The following NUP210L variants were observed in gnomAD, a reference collection of about 807,000 sequenced individuals.
The protein encoded by NUP210L is nuclear pore membrane glycoprotein 210-like.
In NUP210L, 74 loss-of-function variants were observed where a neutral mutation model predicts 208.5. The observed-to-expected ratio is 0.35, with a 90% CI of 0.29 to 0.43. The LOEUF is 0.43. Ranked by LOEUF, NUP210L falls within the 20% of genes least tolerant of loss-of-function variation. The pLI is 1.00. For synonymous variants in NUP210L, 780 were observed against 816.9 expected (o/e 0.95, Z 0.77); for missense variants, 1,843 against 2,289.4 (o/e 0.81, Z 3.98).
In NUP210L at chr1:154,074,419, TCTCC is replaced by T. The variant is rs542217186; in HGVS notation, c.2362-3958_2362-3955del. Among the ~76,000 whole-genome samples the T allele has an allele frequency of 4.6e-5, 7 of 152,126 alleles. No individual in the cohort carries two copies. The South Asian group carries it at 1.5e-3, about 32-fold the overall frequency. ...TTCCTCAATTTATTTTTCTTCTCTT[TCTCC>T]CTCCTTCTGTCTCTTTCTTCCTTCA... On this transcript the variant is annotated intron_variant, in intron 16 of 39. Coordinates refer to ENST00000368559, the Ensembl canonical transcript of NUP210L.
At chr1:154,000,786 G>C in intron 37 of NUP210L, 70 bp downstream of exon 37, 1 of 1,338,882 alleles carries the variant, frequency 7.5e-7, no homozygotes, top group South Asian at 1.2e-5. Flanking sequence ...CTGCAGATGG[G>C]GGGTACTAAT....
Position 154,023,255 on chromosome 1 carries a change from G to A in NUP210L, c.4165C>T (p.Leu1389=), listed in dbSNP as rs201060001. The A allele has an allele frequency of 2.0e-3, 3,205 of 1,612,730 alleles. 7 individuals are homozygous for A. Among genetic ancestry groups the A allele is most frequent in the Non-Finnish European group, 2.5e-3 (2,898 of 1,179,420 alleles). ...AGGGTCCTTCCTTGGGCTGTGTATAGCTTGGGTTGGCTGCTCACTCGCAGG... is the reference window on the plus strand; with the variant it reads ...AGGGTCCTTCCTTGGGCTGTGTATAACTTGGGTTGGCTGCTCACTCGCAGG... Residue 1389 remains leucine, a synonymous_variant, in exon 31 of 40, where the codon CTA becomes TTA. Coordinates refer to ENST00000368559, the Ensembl canonical transcript of NUP210L.
At chr1:154,013,627 C>A (rs559804789) in intron 33 of NUP210L, among the ~76,000 whole-genome samples, 100 of 152,036 alleles carry the variant, frequency 6.6e-4, no homozygotes, top group African/African-American at 1.8e-3. Context: ...ACAAAAAAAA[C>A]AACTGCAACT....
intron 29 of NUP210L, among the ~76,000 whole-genome samples, chr1:154,027,167 G>C (rs1651943807): frequency 6.6e-6 from 1 of 151,342 alleles, no homozygotes; most frequent in Non-Finnish European, 1.5e-5. Context: ...ATACATTCAG[G>C]ATAGCTAATA....
At chr1:154,030,681 C>T (rs1190304704) in intron 27 of NUP210L, among the ~76,000 whole-genome samples, 2 of 152,050 alleles carry the variant, frequency 1.3e-5, no homozygotes, top group East Asian at 3.8e-4. Flanking sequence ...GTAATAATCA[C>T]ATCAGGGTAA....
rs1346222542 is a variant in NUP210L at position 154,154,676 on chromosome 1, G to A, written c.203+166C>T. 2.6e-5 allele frequency among the ~76,000 whole-genome samples: 4 copies of A among 152,156 alleles called. 1 individual carries two copies. Among genetic ancestry groups the A allele is most frequent in the African/African-American group, 9.7e-5 (4 of 41,444 alleles). ...TGAGTAGGACACGCCACACCCAAGG[G>A]TCTGCTCCTCGCCACCTTCACTGAC... On this transcript the variant is annotated intron_variant, in intron 1 of 39. Transcript: ENST00000368559.
At chr1:154,063,765 G>A (rs1344110424) in intron 17 of NUP210L, among the ~76,000 whole-genome samples, 1 of 152,072 alleles carries the variant, frequency 6.6e-6, no homozygotes, top group Non-Finnish European at 1.5e-5. Flanking sequence ...TGCCTGGCAT[G>A]TCATGAGAGC....
intron 7 of NUP210L, among the ~76,000 whole-genome samples, chr1:154,134,314 AT>A (rs1390827579): frequency 1.3e-5 from 2 of 151,998 alleles, no homozygotes; most frequent in East Asian, 1.9e-4. Flanking sequence ...TTCAAAAAAA[AT>A]ACCAAATAAA....
At chr1:154,058,514 T>A in intron 21 of NUP210L, 51 bp downstream of exon 21, 3 of 1,587,392 alleles carry the variant, frequency 1.9e-6, no homozygotes, top group Non-Finnish European at 2.6e-6. Context: ...GAATGCTGGG[T>A]AGTGAGAATA....
intron 16 of NUP210L, chr1:154,079,682 CA>C (rs11424914): frequency 4.5e-4 from 66 of 146,632 alleles, no homozygotes; most frequent in Non-Finnish European, 4.4e-4. Context: ...AAAAGCCATA[CA>C]AAAAAAAAAA....
intron 24 of NUP210L, 39 bp downstream of exon 24, chr1:154,054,731 A>C (rs746910874): frequency 6.5e-6 from 9 of 1,391,816 alleles, no homozygotes; most frequent in Non-Finnish European, 8.2e-6. Flanking sequence ...AGAGGTAAGG[A>C]GAAAAGGTAA....
chr1:154,098,876 T>C (rs898735550), intron 14 of NUP210L, among the ~76,000 whole-genome samples: 2 of 152,220 alleles, frequency 1.3e-5, no homozygotes, highest in South Asian at 2.1e-4. Context: ...GCACCGAGGC[T>C]GTAGGTGCCA....
intron 8 of NUP210L, 70 bp downstream of exon 8, chr1:154,129,207 T>C: frequency 1.2e-6 from 1 of 847,896 alleles, no homozygotes. Context: ...GAAGAAATGC[T>C]GTATAATGCA....
chr1:154,072,271 T>C (rs1243426169), intron 16 of NUP210L, among the ~76,000 whole-genome samples: 1 of 151,734 alleles, frequency 6.6e-6, no homozygotes, highest in Non-Finnish European at 1.5e-5. Flanking sequence ...CTGTTCACCA[T>C]ATTTACACCA....
At chr1:154,040,379 A>T (rs946431168) in intron 27 of NUP210L, among the ~76,000 whole-genome samples, 1 of 151,998 alleles carries the variant, frequency 6.6e-6, no homozygotes, top group Admixed American at 6.6e-5. Flanking sequence ...TATCAAAAAA[A>T]AAAGAAGAAA....
At chr1:154,022,980 T>C (rs1302111593) in intron 31 of NUP210L, 142 bp downstream of exon 31, 12 of 843,026 alleles carry the variant, frequency 1.4e-5, no homozygotes, top group Non-Finnish European at 1.8e-5. Flanking sequence ...CTGGCCTCAC[T>C]TAAAAAAATT....
chr1:154,027,108 A>C (rs1310362557), intron 29 of NUP210L, among the ~76,000 whole-genome samples: 2 of 150,912 alleles, frequency 1.3e-5, no homozygotes, highest in Non-Finnish European at 2.9e-5. Flanking sequence ...AAAAAAAAAA[A>C]AACAAAAAAC....
chr1:154,032,265 T>C (rs74793348), intron 27 of NUP210L, among the ~76,000 whole-genome samples: 1,959 of 152,272 alleles, frequency 0.013, 50 homozygotes, highest in African/African-American at 0.045. Context: ...TATTTAGTTT[T>C]TTGAAAACCT....
intron 2 of NUP210L, among the ~76,000 whole-genome samples, chr1:154,146,937 C>T (rs1171554871): frequency 6.6e-6 from 1 of 152,096 alleles, no homozygotes; most frequent in Non-Finnish European, 1.5e-5. Flanking sequence ...GATCCTCCCA[C>T]CTCAGCCTCC....
Sources: gnomAD v4.1 joint callset for allele counts (sites outside exome capture counted in the v4.1 genomes callset) on GRCh38, gnomAD v4.1.1 for gene constraint, MANE v1.5 for transcripts, NCBI Gene and HGNC (gene_info 2026-07-23, HGNC 2026-07-21) for gene names.